The following SLIT3 variants were observed in gnomAD, a reference collection of about 807,000 sequenced individuals.
The protein encoded by SLIT3 is slit guidance ligand 3.
A neutral mutation model predicts 184.0 loss-of-function variants in SLIT3; 68 were observed. The observed-to-expected ratio is 0.37, with a 90% CI of 0.30 to 0.45. The LOEUF (loss-of-function observed/expected upper bound fraction) is 0.45, where lower values mean the gene tolerates loss of function less well. Among genes scored for constraint, SLIT3 ranks in the 20% least tolerant of loss-of-function variants. SLIT3 has a pLI of 1.00. For synonymous variants in SLIT3, 831 were observed against 828.6 expected (o/e 1.00, Z -0.05); for missense variants, 1,707 against 2,026.0 (o/e 0.84, Z 3.02).
intron 4 of SLIT3, among the ~76,000 whole-genome samples, chr5:168,915,297 C>T (rs1761396431): frequency 6.6e-6 from 1 of 152,110 alleles, no homozygotes; most frequent in South Asian, 2.1e-4. Context: ...ATGCTAAAAC[C>T]TTGAAGTTAA....
In SLIT3 at chr5:168,795,592, C is replaced by A. The variant is rs776394774; in HGVS notation, c.936-14G>T. 6.2e-7 allele frequency: 1 copy of A among 1,607,876 alleles called. No individual in the cohort carries two copies. The highest frequency in any genetic ancestry group is 8.5e-7 in the Non-Finnish European group (1 of 1,174,294). ...TGTTCTAGGCGTCTGGGAAACAGAG[C>A]AGAGAAGAGTGAATTAACCATCCAC... On this transcript the variant is annotated splice_polypyrimidine_tract_variant and intron_variant, in intron 9 of 35. Coordinates refer to ENST00000519560, the MANE Select transcript of SLIT3 (RefSeq NM_003062.4).
intron 32 of SLIT3, among the ~76,000 whole-genome samples, chr5:168,681,311 T>C (rs1561871495): frequency 6.6e-6 from 1 of 152,274 alleles, no homozygotes; most frequent in East Asian, 1.9e-4. Context: ...CTGTGGCCCC[T>C]GCACCTAGCC....
chr5:169,172,410 C>G (rs1225609982), intron 4 of SLIT3, among the ~76,000 whole-genome samples: 1 of 152,206 alleles, frequency 6.6e-6, no homozygotes, highest in Non-Finnish European at 1.5e-5. Context: ...AAAACACAGT[C>G]TATAGTCAAA....
At chr5:168,998,794 AGCAGCAT>A (rs1315411952) in intron 4 of SLIT3, among the ~76,000 whole-genome samples, 1 of 152,204 alleles carries the variant, frequency 6.6e-6, no homozygotes, top group East Asian at 1.9e-4. Context: ...TCCCCAGACC[AGCAGCAT>A]CACTGTCACC....
chr5:169,190,706 G>A (rs1057327754), intron 4 of SLIT3, among the ~76,000 whole-genome samples: 1 of 152,162 alleles, frequency 6.6e-6, no homozygotes, highest in Admixed American at 6.6e-5. Flanking sequence ...CTCTGGTGTA[G>A]CCACCCACAT....
intron 4 of SLIT3, among the ~76,000 whole-genome samples, chr5:169,055,947 A>G (rs1757987992): frequency 6.6e-6 from 1 of 152,336 alleles, no homozygotes; most frequent in Non-Finnish European, 1.5e-5. Flanking sequence ...TCTACATACA[A>G]TGGTAAACCA....
At chr5:168,752,887 G>A in intron 18 of SLIT3, 68 bp downstream of exon 18, 1 of 1,474,882 alleles carries the variant, frequency 6.8e-7, no homozygotes, top group Non-Finnish European at 9.4e-7. Context: ...GTAGCAGGGA[G>A]CTGGGAGGAG....
intron 4 of SLIT3, among the ~76,000 whole-genome samples, chr5:168,963,874 T>A (rs1056892187): frequency 7.2e-5 from 11 of 152,330 alleles, no homozygotes; most frequent in African/African-American, 2.6e-4. Flanking sequence ...TATGTTTCAG[T>A]TTCCTACCAT....
In SLIT3 at chr5:169,059,514, A is replaced by G. The variant is rs564301620; in HGVS notation, c.413+133965T>C. On this transcript the variant is annotated intron_variant, in intron 4 of 35. Coordinates refer to ENST00000519560, the MANE Select transcript of SLIT3 (RefSeq NM_003062.4). ...GTAGAAGGGCAGTGATTTGAACCCA[A>G]TGCTCTCGGTCCCAAAGCCCCTTAT... Among the ~76,000 whole-genome samples, 96 of 152,242 alleles carry G rather than the reference A, an allele frequency of 6.3e-4. 2 individuals are homozygous for G. The South Asian group carries it at 0.019, about 30-fold the overall frequency.
intron 4 of SLIT3, among the ~76,000 whole-genome samples, chr5:168,991,823 G>A (rs1015677756): frequency 2.6e-5 from 4 of 152,018 alleles, no homozygotes; most frequent in African/African-American, 4.8e-5. Flanking sequence ...CTCCACATTC[G>A]CCTCTAACCC....
At chr5:168,758,941 G>T (rs1276484381) in intron 16 of SLIT3, among the ~76,000 whole-genome samples, 1 of 152,168 alleles carries the variant, frequency 6.6e-6, no homozygotes, top group Non-Finnish European at 1.5e-5. Context: ...CTTTCTGAAG[G>T]TTCAATGTAC....
intron 17 of SLIT3, among the ~76,000 whole-genome samples, 187 bp from the exon 18 acceptor site, chr5:168,753,285 G>C (rs569359573): frequency 6.6e-6 from 1 of 152,350 alleles, no homozygotes; most frequent in South Asian, 2.1e-4. Context: ...GTGTGTAAAT[G>C]TGTATGTACA....
chr5:168,671,139 T>A, intron 34 of SLIT3, 59 bp downstream of exon 34: 1 of 1,557,708 alleles, frequency 6.4e-7, no homozygotes, highest in Non-Finnish European at 8.7e-7. Flanking sequence ...TCAGGTGGGG[T>A]AGGGACTGAG....
chr5:168,672,167 C>T (rs1240393306), intron 33 of SLIT3, among the ~76,000 whole-genome samples: 5 of 152,262 alleles, frequency 3.3e-5, no homozygotes, highest in Non-Finnish European at 5.9e-5. Context: ...CACCCAGTTC[C>T]GTTCTGGGTG....
At chr5:169,013,750 T>TC (rs1756254628) in intron 4 of SLIT3, among the ~76,000 whole-genome samples, 1 of 152,178 alleles carries the variant, frequency 6.6e-6, no homozygotes, top group Non-Finnish European at 1.5e-5. Flanking sequence ...TGGCTCCTAC[T>TC]CCTTCAGGTC....
At chr5:169,193,662 T>C in intron 3 of SLIT3, 112 bp from the exon 4 acceptor site, 1 of 817,072 alleles carries the variant, frequency 1.2e-6, no homozygotes, top group Non-Finnish European at 2.2e-6. Flanking sequence ...TAAGAGACTC[T>C]CTACGTCTTT....
chr5:169,103,793 C>T (rs1194595079), intron 4 of SLIT3, among the ~76,000 whole-genome samples: 1 of 151,584 alleles, frequency 6.6e-6, no homozygotes, highest in African/African-American at 2.4e-5. Flanking sequence ...CAGGCTGGGG[C>T]TCGCCACCCT....
At position 168,722,298 on chromosome 5, in the gene SLIT3, A is replaced by G. The variant is rs1458140933; in HGVS notation, c.2441T>C (p.Ile814Thr). 1 of 1,614,088 alleles carries G rather than the reference A, an allele frequency of 6.2e-7. No individual in the cohort carries two copies. The highest frequency in any genetic ancestry group is 2.2e-5 in the East Asian group (1 of 44,880). The change falls in exon 23 of 36, where the codon ATC becomes ACC. Residue 814 changes from isoleucine to threonine, a missense_variant. Physicochemically the swap from Ile to Thr is moderately conservative, Grantham distance 89 (BLOSUM62 -1). Around this residue, in one of 3 missense-constraint regions of SLIT3, gnomAD observed 1,307 missense variants for 1,511.6 expected, o/e 0.86. Coordinates refer to ENST00000519560, the MANE Select transcript of SLIT3 (RefSeq NM_003062.4). Reference protein sequence around the residue: ...LILSYNRLRCIPVHAFNGLRS... With the variant: ...LILSYNRLRCTPVHAFNGLRS... ...CAGCCCGTTGAAGGCGTGGACGGGG[A>G]TGCACCTCAGCCGGTTGTAGCTCAG...
At chr5:169,140,029 T>C (rs1024584077) in intron 4 of SLIT3, among the ~76,000 whole-genome samples, 2 of 151,958 alleles carry the variant, frequency 1.3e-5, no homozygotes, top group African/African-American at 4.8e-5. Flanking sequence ...CAGAAATGGG[T>C]CCTTCTTCCT....
Sources: allele counts gnomAD v4.1 joint callset (sites outside exome capture counted in the v4.1 genomes callset), GRCh38; gene constraint gnomAD v4.1.1; regional missense constraint gnomAD v4.1.1; transcripts MANE v1.5; gene names NCBI Gene and HGNC (gene_info 2026-07-23, HGNC 2026-07-21).